SUPT3H: variants seen among roughly 807,000 people sequenced by gnomAD.
SUPT3H encodes SPT3 homolog, SAGA and STAGA complex component, also known as transcription initiation protein SPT3 homolog.
A neutral mutation model predicts 44.3 loss-of-function variants in SUPT3H; 44 were observed. The observed-to-expected ratio is 0.99, with a 90% CI of 0.78 to 1.28. SUPT3H has a LOEUF of 1.28. Ranked by LOEUF, SUPT3H falls within the 50% of genes most tolerant of loss-of-function variation. The pLI is 0.00. For missense variants in SUPT3H, 380 were observed against 387.1 expected (o/e 0.98, Z 0.15); for synonymous variants, 124 against 125.6 (o/e 0.99, Z 0.09).
At chr6:44,919,883 CTTTT>C (rs1562046464) in intron 10 of SUPT3H, among the ~76,000 whole-genome samples, 1 of 151,716 alleles carries the variant, frequency 6.6e-6, no homozygotes, top group Non-Finnish European at 1.5e-5. Flanking sequence ...TTTCTTTTTT[CTTTT>C]TTATTTTTTG....
chr6:45,357,718 A>T (rs1322128103), intron 2 of SUPT3H, among the ~76,000 whole-genome samples: 1 of 152,196 alleles, frequency 6.6e-6, no homozygotes, highest in Admixed American at 6.5e-5. Context: ...AATTGACAGA[A>T]TACTACATAA....
intron 2 of SUPT3H, among the ~76,000 whole-genome samples, chr6:45,261,680 C>T (rs899769061): frequency 1.3e-5 from 2 of 152,068 alleles, no homozygotes; most frequent in Non-Finnish European, 2.9e-5. Flanking sequence ...GACAAAGATG[C>T]CACCACTCTC....
intron 3 of SUPT3H, among the ~76,000 whole-genome samples, chr6:45,056,170 A>T (rs969691672): frequency 1.3e-4 from 20 of 152,246 alleles, no homozygotes; most frequent in African/African-American, 4.8e-4. Flanking sequence ...TAATCAAAAA[A>T]TCAAAAAGTA....
At chr6:45,085,514 T>C (rs943832167) in intron 3 of SUPT3H, among the ~76,000 whole-genome samples, 1 of 152,178 alleles carries the variant, frequency 6.6e-6, no homozygotes, top group African/African-American at 2.4e-5. Context: ...ACATATTTGG[T>C]ACCTCATTTC....
intron 3 of SUPT3H, among the ~76,000 whole-genome samples, chr6:45,093,393 C>T (rs2153564327): frequency 6.6e-6 from 1 of 152,178 alleles, no homozygotes; most frequent in South Asian, 2.1e-4. Context: ...TAGATGTTTA[C>T]TAACTGTTAT....
At chr6:45,177,050 C>A (rs936176791) in intron 2 of SUPT3H, among the ~76,000 whole-genome samples, 3 of 152,168 alleles carry the variant, frequency 2.0e-5, no homozygotes, top group South Asian at 2.1e-4. Flanking sequence ...TCACCAGCAA[C>A]GGAACAAAGC....
intron 2 of SUPT3H, among the ~76,000 whole-genome samples, chr6:45,117,799 T>C (rs962101318): frequency 6.6e-6 from 1 of 152,124 alleles, no homozygotes; most frequent in South Asian, 2.1e-4. Context: ...ACATAATATA[T>C]TCCATTAGTT....
chr6:44,820,272 A>T (rs1465580623), intron 11 of SUPT3H, among the ~76,000 whole-genome samples: 1 of 152,152 alleles, frequency 6.6e-6, no homozygotes, highest in Non-Finnish European at 1.5e-5. Context: ...ACTGAAACCT[A>T]ATGACATCAC....
chr6:45,349,206 T>G (rs928754802), intron 2 of SUPT3H, among the ~76,000 whole-genome samples: 5 of 152,196 alleles, frequency 3.3e-5, no homozygotes, highest in Admixed American at 3.3e-4. Flanking sequence ...TCAGTCTACT[T>G]CTACATATTT....
intron 2 of SUPT3H, among the ~76,000 whole-genome samples, chr6:45,144,783 GATTTGATAAATGAATTC>G (rs1159988904): frequency 7.2e-5 from 11 of 151,940 alleles, no homozygotes; most frequent in African/African-American, 1.5e-4. Flanking sequence ...AAAGCTCCTA[GATTTGATAAATGAATTC>G]ATTTGATAAA....
At chr6:45,304,424 C>T (rs559161925) in intron 2 of SUPT3H, among the ~76,000 whole-genome samples, 6 of 152,204 alleles carry the variant, frequency 3.9e-5, no homozygotes, top group African/African-American at 1.4e-4. Flanking sequence ...ATCCAAAAAA[C>T]TAAATATGTA....
At chr6:44,981,926 A>T (rs1779146867) in intron 6 of SUPT3H, among the ~76,000 whole-genome samples, 1 of 151,282 alleles carries the variant, frequency 6.6e-6, no homozygotes, top group Non-Finnish European at 1.5e-5. Context: ...CTGTAGTCCC[A>T]GCTACTGGGG....
chr6:44,876,480 A>G (rs1392966599), intron 10 of SUPT3H, among the ~76,000 whole-genome samples: 224 of 124,986 alleles, frequency 1.8e-3, no homozygotes, highest in African/African-American at 6.3e-3. Context: ...TGGAAGGGGA[A>G]TATCATACTC....
chr6:44,812,758 A>C (rs1178373149), intron 11 of SUPT3H, among the ~76,000 whole-genome samples: 1 of 152,206 alleles, frequency 6.6e-6, no homozygotes, highest in Non-Finnish European at 1.5e-5. Context: ...AGTGAGGCCA[A>C]ACAGTCTGGG....
At chr6:44,943,803 T>C (rs567070026) in intron 9 of SUPT3H, among the ~76,000 whole-genome samples, 3 of 151,750 alleles carry the variant, frequency 2.0e-5, no homozygotes, top group Non-Finnish European at 2.9e-5. Flanking sequence ...CATCCAACAA[T>C]GAAGAAAAAG....
Position 45,067,530 on chromosome 6 carries a change from A to T in SUPT3H, c.186+38392T>A, listed in dbSNP as rs1343101186. On this transcript the variant is annotated intron_variant, in intron 3 of 10. Transcript: ENST00000371459. ...CTACCATCAGAGTGAACAGGCAACC[A>T]ACAAAATGGGAGAAAATTTTCACAA... is the stretch of plus-strand genomic sequence containing the variant. Among the ~76,000 whole-genome samples, 255 of 150,872 alleles carry T rather than the reference A, an allele frequency of 1.7e-3. 1 individual carries two copies. Among genetic ancestry groups the T allele is most frequent in the African/African-American group, 5.2e-3 (212 of 40,776 alleles).
intron 3 of SUPT3H, among the ~76,000 whole-genome samples, chr6:45,048,062 G>C (rs916116732): frequency 6.6e-6 from 1 of 151,942 alleles, no homozygotes; most frequent in African/African-American, 2.4e-5. Flanking sequence ...AAGAGCATCA[G>C]TGGAAAAATG....
At chr6:45,312,002 C>T (rs1397968524) in intron 2 of SUPT3H, among the ~76,000 whole-genome samples, 1 of 152,110 alleles carries the variant, frequency 6.6e-6, no homozygotes, top group East Asian at 1.9e-4. Flanking sequence ...ATGTAAATGG[C>T]CTAAATGCTC....
chr6:45,286,700 T>C (rs1779342823), intron 2 of SUPT3H, among the ~76,000 whole-genome samples: 1 of 152,182 alleles, frequency 6.6e-6, no homozygotes, highest in Non-Finnish European at 1.5e-5. Flanking sequence ...CTCAGGGATC[T>C]TGAACTGGAA....
Sources: allele counts gnomAD v4.1 joint callset (sites outside exome capture counted in the v4.1 genomes callset), GRCh38; gene constraint gnomAD v4.1.1; transcripts MANE v1.5; gene names NCBI Gene and HGNC (gene_info 2026-07-23, HGNC 2026-07-21).